TANC2: variants seen among roughly 807,000 people sequenced by gnomAD.
TANC2 encodes the protein protein TANC2.
A neutral mutation model predicts 210.5 loss-of-function variants in TANC2; 26 were observed. That is an observed-to-expected ratio of 0.12 (90% CI 0.09 to 0.17). TANC2 has a LOEUF of 0.17. Among genes scored for constraint, TANC2 ranks in the 10% least tolerant of loss-of-function variants. The probability of loss-of-function intolerance (pLI) is 1.00; values close to 1 mark genes in which losing one functional copy is unlikely to be tolerated. For missense variants in TANC2, 2,129 were observed against 2,608.9 expected (o/e 0.82, Z 4.01); for synonymous variants, 931 against 967.1 (o/e 0.96, Z 0.69).
At chr17:63,088,516 C>T (rs1423147674) in intron 3 of TANC2, 1 of 152,170 alleles carries the variant, frequency 6.6e-6, no homozygotes, top group Non-Finnish European at 1.5e-5. Context: ...TGTGTATAGC[C>T]ATTGTAAGGT....
At chr17:63,229,605 A>G (rs1290054961) in intron 7 of TANC2, among the ~76,000 whole-genome samples, 9 of 136,230 alleles carry the variant, frequency 6.6e-5, no homozygotes, top group Non-Finnish European at 1.6e-5. Context: ...TAGGCTATTT[A>G]TTACTGCCTC....
chr17:63,019,275 T>G (rs1304621559), intron 2 of TANC2, among the ~76,000 whole-genome samples: 1 of 152,184 alleles, frequency 6.6e-6, no homozygotes, highest in East Asian at 1.9e-4. Flanking sequence ...TGGCATGCAG[T>G]GGCGTGATCA....
chr17:62,984,433 T>C (rs148245849), intron 1 of TANC2, among the ~76,000 whole-genome samples: 1 of 152,222 alleles, frequency 6.6e-6, no homozygotes, highest in African/African-American at 2.4e-5. Flanking sequence ...CATTGATCTT[T>C]AGTATTTTTT....
chr17:63,122,313 C>CAAGT (rs1316191450), intron 4 of TANC2, among the ~76,000 whole-genome samples: 1 of 152,174 alleles, frequency 6.6e-6, no homozygotes, highest in Non-Finnish European at 1.5e-5. Flanking sequence ...CCATGTGGAA[C>CAAGT]AAGTAAGTGT....
chr17:63,078,945 G>A (rs1369767362), intron 3 of TANC2, among the ~76,000 whole-genome samples: 3 of 152,094 alleles, frequency 2.0e-5, no homozygotes, highest in Non-Finnish European at 2.9e-5. Context: ...TCTTCTTGCC[G>A]ATTTTCTTTC....
At chr17:62,971,378 A>G (rs2031684889) in intron 1 of TANC2, among the ~76,000 whole-genome samples, 1 of 152,112 alleles carries the variant, frequency 6.6e-6, no homozygotes, top group Non-Finnish European at 1.5e-5. Context: ...CTCCCAGGGT[A>G]GGGTGCAGTG....
intron 10 of TANC2, among the ~76,000 whole-genome samples, chr17:63,318,657 C>T (rs551981351): frequency 9.9e-5 from 15 of 152,280 alleles, no homozygotes; most frequent in South Asian, 8.3e-4. Flanking sequence ...GGTTTATCCC[C>T]GTTCTAGCAT....
chr17:63,363,536 A>T (rs950465381), intron 14 of TANC2, among the ~76,000 whole-genome samples: 10 of 152,166 alleles, frequency 6.6e-5, no homozygotes, highest in African/African-American at 2.4e-4. Context: ...TGATTTTTGT[A>T]TATGGTGAGA....
At chr17:62,979,868 C>T (rs1414225519) in intron 1 of TANC2, among the ~76,000 whole-genome samples, 1 of 152,190 alleles carries the variant, frequency 6.6e-6, no homozygotes. Flanking sequence ...GTCGTGTTAG[C>T]ACCACTGCAA....
intron 9 of TANC2, among the ~76,000 whole-genome samples, chr17:63,292,471 T>C (rs768489950): frequency 6.6e-6 from 1 of 152,210 alleles, no homozygotes; most frequent in African/African-American, 2.4e-5. Flanking sequence ...AGAAAGTCTT[T>C]AGTGACTTTA....
chr17:63,127,281 A>G (rs967097523), intron 4 of TANC2, among the ~76,000 whole-genome samples: 4 of 152,186 alleles, frequency 2.6e-5, no homozygotes, highest in African/African-American at 9.7e-5. Context: ...CTTATTTTAA[A>G]TGATATTTCA....
At chr17:63,416,459 A>C (rs1046114991) in intron 26 of TANC2, among the ~76,000 whole-genome samples, 3 of 152,326 alleles carry the variant, frequency 2.0e-5, no homozygotes, top group African/African-American at 7.2e-5. Context: ...TGTATTGATC[A>C]ATTAAAAACT....
At chr17:63,402,363 G>A (rs563298471) in intron 19 of TANC2, among the ~76,000 whole-genome samples, 19 of 152,066 alleles carry the variant, frequency 1.2e-4, no homozygotes, top group Admixed American at 5.2e-4. Flanking sequence ...TAACATATTC[G>A]TCTGTTTCCT....
chr17:63,407,808 T>A (rs1290478976), intron 21 of TANC2, among the ~76,000 whole-genome samples: 2 of 152,180 alleles, frequency 1.3e-5, no homozygotes, highest in Non-Finnish European at 2.9e-5. Context: ...GGACAGACTT[T>A]GAAATTCGAA....
At chr17:63,313,819 C>G (rs1162878008) in intron 9 of TANC2, among the ~76,000 whole-genome samples, 4 of 152,222 alleles carry the variant, frequency 2.6e-5, no homozygotes, top group Non-Finnish European at 4.4e-5. Flanking sequence ...AACAAACAAG[C>G]CTCTCTATAC....
intron 18 of TANC2, among the ~76,000 whole-genome samples, chr17:63,398,114 C>T (rs1217948997): frequency 5.3e-5 from 8 of 152,122 alleles, no homozygotes; most frequent in Non-Finnish European, 1.2e-4. Context: ...AGTCCTTATA[C>T]ATCTGAGAGG....
At chr17:63,049,421 G>A (rs1210536225) in intron 2 of TANC2, among the ~76,000 whole-genome samples, 2 of 152,098 alleles carry the variant, frequency 1.3e-5, no homozygotes, top group Non-Finnish European at 2.9e-5. Flanking sequence ...CATGATTGGG[G>A]GGACAGTTAT....
At chr17:63,000,440 G>T (rs1208535637) in intron 1 of TANC2, among the ~76,000 whole-genome samples, 1 of 152,112 alleles carries the variant, frequency 6.6e-6, no homozygotes, top group East Asian at 1.9e-4. Context: ...AAAATTGATT[G>T]CCTGTTAATA....
At chr17:63,210,531 G>A (rs1175392493) in intron 7 of TANC2, among the ~76,000 whole-genome samples, 2 of 151,966 alleles carry the variant, frequency 1.3e-5, no homozygotes, top group African/African-American at 2.4e-5. Flanking sequence ...CAAGATTTAT[G>A]TCTCCTACTT....
Sources: allele counts gnomAD v4.1 joint callset (sites outside exome capture counted in the v4.1 genomes callset), GRCh38; gene constraint gnomAD v4.1.1; transcripts MANE v1.5; gene names NCBI Gene and HGNC (gene_info 2026-07-23, HGNC 2026-07-21).